The following NCOA2 variants were observed in gnomAD, a reference collection of about 807,000 sequenced individuals.
NCOA2 encodes nuclear receptor coactivator 2, also known as class E basic helix-loop-helix protein 75.
Under a neutral mutation model 145.1 loss-of-function variants are expected in NCOA2, and 21 were observed. The ratio of observed to expected loss-of-function variants is 0.14; its 90% CI spans 0.10 to 0.21. NCOA2 has a LOEUF of 0.21. Among genes scored for constraint, NCOA2 ranks in the 10% least tolerant of loss-of-function variants. NCOA2 has a pLI of 1.00. For missense variants in NCOA2, 1,472 were observed against 1,837.6 expected (o/e 0.80, Z 3.64); for synonymous variants, 619 against 637.5 (o/e 0.97, Z 0.44).
intron 2 of NCOA2, among the ~76,000 whole-genome samples, chr8:70,249,662 T>A (rs578192064): frequency 6.6e-6 from 1 of 152,048 alleles, no homozygotes; most frequent in African/African-American, 2.4e-5. Context: ...AGAAACAGTA[T>A]CTGTATATCA....
intron 4 of NCOA2, among the ~76,000 whole-genome samples, chr8:70,195,460 C>T (rs956943654): frequency 3.4e-4 from 51 of 152,164 alleles, no homozygotes; most frequent in Non-Finnish European, 6.0e-4. Context: ...CTAGAACACT[C>T]TATAGCTCCT....
In NCOA2 at chr8:70,221,251, C is replaced by T. The variant is rs537422149; in HGVS notation, c.-19-4487G>A. Among the ~76,000 whole-genome samples, 5 of 152,268 alleles carry T rather than the reference C, an allele frequency of 3.3e-5. No individual in the cohort carries two copies. In the South Asian group the frequency reaches 1.0e-3, roughly 32 times the overall value. On this transcript the variant is annotated intron_variant, in intron 2 of 22. Coordinates refer to ENST00000452400, the MANE Select transcript of NCOA2 (RefSeq NM_006540.4). ...ATACATAAAACCTCACTTAAATACCCTTCCATTTCTATTTAACTAAACTAC... is the reference window on the plus strand; with the variant it reads ...ATACATAAAACCTCACTTAAATACCTTTCCATTTCTATTTAACTAAACTAC...
intron 1 of NCOA2, among the ~76,000 whole-genome samples, chr8:70,371,867 G>T (rs1004534311): frequency 6.6e-6 from 1 of 152,142 alleles, no homozygotes; most frequent in Non-Finnish European, 1.5e-5. Flanking sequence ...TTTAAAAACT[G>T]TAAGTTTTTA....
rs1157216784 is a variant in NCOA2 at position 70,264,333 on chromosome 8, TA to T, written c.-20+32410del. Among the ~76,000 whole-genome samples the T allele has an allele frequency of 2.0e-5, 3 of 151,914 alleles. No individual in the cohort carries two copies. In the East Asian group the frequency reaches 5.8e-4, roughly 29 times the overall value. The stretch of plus-strand genomic sequence containing the variant: ...AAGAGTTTCAGACCAGTCTGGGCAA[TA>T]TAATAAAATAATTAGCTGAACATGG... On this transcript the variant is annotated intron_variant, in intron 2 of 22. Transcript: ENST00000452400.
At chr8:70,292,800 G>C (rs977932907) in intron 2 of NCOA2, among the ~76,000 whole-genome samples, 1 of 152,154 alleles carries the variant, frequency 6.6e-6, no homozygotes, top group Non-Finnish European at 1.5e-5. Flanking sequence ...TAAGCTAACC[G>C]GTTCACACTA....
chr8:70,216,796 A>G, intron 2 of NCOA2, 32 bp from the exon 3 acceptor site: 1 of 1,332,506 alleles, frequency 7.5e-7, no homozygotes, highest in Middle Eastern at 1.8e-4. Context: ...AGGAAGAAAA[A>G]AATGAAGAGA....
chr8:70,246,188 C>G (rs1259639462), intron 2 of NCOA2, among the ~76,000 whole-genome samples: 9 of 151,976 alleles, frequency 5.9e-5, no homozygotes, highest in African/African-American at 9.7e-5. Context: ...TTTTAAATGT[C>G]CTTAGTAACA....
the NCOA2 span, chr8:70,424,445 A>G: frequency 2.1e-6 from 1 of 486,376 alleles, no homozygotes; most frequent in South Asian, 1.6e-5. Flanking sequence ...TGCTTTCTCA[A>G]TACCACATGA....
At chr8:70,238,666 G>A (rs1367005493) in intron 2 of NCOA2, among the ~76,000 whole-genome samples, 1 of 152,190 alleles carries the variant, frequency 6.6e-6, no homozygotes, top group Non-Finnish European at 1.5e-5. Context: ...TGGACTGTCT[G>A]TCCCTGGAGA....
intron 22 of NCOA2, among the ~76,000 whole-genome samples, chr8:70,114,417 T>C (rs867783268): frequency 5.9e-5 from 9 of 152,216 alleles, no homozygotes; most frequent in African/African-American, 1.9e-4. Flanking sequence ...TTATGTGGCG[T>C]TGTTTCTTTG....
intron 2 of NCOA2, among the ~76,000 whole-genome samples, chr8:70,264,468 C>T (rs1379383665): frequency 2.0e-5 from 3 of 152,120 alleles, no homozygotes; most frequent in African/African-American, 7.2e-5. Flanking sequence ...GCATTCCAGC[C>T]TGGGCAACAG....
chr8:70,116,388 C>T (rs1216448132), intron 22 of NCOA2, among the ~76,000 whole-genome samples: 1 of 151,874 alleles, frequency 6.6e-6, no homozygotes, highest in Non-Finnish European at 1.5e-5. Flanking sequence ...CCTGTCTCTA[C>T]TAAAAATACA....
At chr8:70,217,047 G>C (rs1447735032) in intron 2 of NCOA2, among the ~76,000 whole-genome samples, 1 of 152,148 alleles carries the variant, frequency 6.6e-6, no homozygotes, top group Non-Finnish European at 1.5e-5. Context: ...ACAGCACCAT[G>C]AACTACAATC....
intron 7 of NCOA2, among the ~76,000 whole-genome samples, chr8:70,165,755 T>G (rs1813541818): frequency 6.6e-6 from 1 of 152,170 alleles, no homozygotes; most frequent in Non-Finnish European, 1.5e-5. Context: ...CATCCATGGA[T>G]AGGCTACATG....
chr8:70,224,077 A>G (rs973034822), intron 2 of NCOA2, among the ~76,000 whole-genome samples: 1 of 152,264 alleles, frequency 6.6e-6, no homozygotes, highest in Non-Finnish European at 1.5e-5. Flanking sequence ...GCACTGCTGC[A>G]GACACTGGAG....
intron 1 of NCOA2, among the ~76,000 whole-genome samples, chr8:70,361,621 C>T (rs903869130): frequency 6.6e-6 from 1 of 152,124 alleles, no homozygotes; most frequent in African/African-American, 2.4e-5. Flanking sequence ...TTATCTCCTA[C>T]CATTATTCAA....
rs567145897 is a variant in NCOA2 at position 70,312,267 on chromosome 8, A to T, written c.-76-15467T>A. Among the ~76,000 whole-genome samples the T allele has an allele frequency of 8.3e-4, 126 of 152,308 alleles. 1 individual carries two copies. The highest frequency in any genetic ancestry group is 2.9e-3 in the African/African-American group (122 of 41,560). On this transcript the variant is annotated intron_variant, in intron 1 of 22. Transcript: ENST00000452400. The stretch of plus-strand genomic sequence containing the variant: ...CAATGTCATAGTCTTAAATTCCCTA[A>T]AACAGTACAATTTTAGGCCTTTATA...
chr8:70,321,793 CTTTTTTTTTTTTTTTTTT>C, intron 1 of NCOA2, among the ~76,000 whole-genome samples: 1 of 73,570 alleles, frequency 1.4e-5, no homozygotes, highest in African/African-American at 6.3e-5. Flanking sequence ...CAGAATATAC[CTTTTTTTTTTTTTTTTTT>C]TTTTTTTTTT....
At chr8:70,225,144 C>G (rs1000058740) in intron 2 of NCOA2, among the ~76,000 whole-genome samples, 2 of 152,208 alleles carry the variant, frequency 1.3e-5, no homozygotes, top group Middle Eastern at 3.4e-3. Context: ...GCAATAAACC[C>G]AATAGACCAA....
Sources: allele counts gnomAD v4.1 joint callset (sites outside exome capture counted in the v4.1 genomes callset), GRCh38; gene constraint gnomAD v4.1.1; transcripts MANE v1.5; gene names NCBI Gene and HGNC (gene_info 2026-07-23, HGNC 2026-07-21).